PTBP2: variants seen among roughly 807,000 people sequenced by gnomAD.
The protein encoded by PTBP2 is polypyrimidine tract binding protein 2.
In PTBP2, 13 loss-of-function variants were observed where a neutral mutation model predicts 61.4. That is an observed-to-expected ratio of 0.21 (90% CI 0.14 to 0.34). The LOEUF (loss-of-function observed/expected upper bound fraction) is 0.34, where lower values mean the gene tolerates loss of function less well. Among genes scored for constraint, PTBP2 ranks in the 10% least tolerant of loss-of-function variants. The pLI, the probability that PTBP2 is intolerant of heterozygous loss-of-function variation, is 1.00. For missense variants in PTBP2, 405 were observed against 642.6 expected, an observed-to-expected ratio of 0.63 and a Z score of 4.00; for synonymous variants, 215 against 218.5, an observed-to-expected ratio of 0.98 and a Z score of 0.14.
At position 96,804,872 on chromosome 1, in the gene PTBP2, G is replaced by C. The variant is rs371636181; in HGVS notation, c.977G>C (p.Arg326Pro). Residue 326 changes from arginine (R) to proline (P), a missense_variant, in exon 9 of 14, where the codon CGA (arginine) becomes CCA (proline). Transcript: ENST00000674951. ...GCAGCTGCTGCAGCTGCTGCTGGCCGAGTGGGTATGCCTGGAGTCTCAGCT... is the reference window on the plus strand; with the variant it reads ...GCAGCTGCTGCAGCTGCTGCTGGCCCAGTGGGTATGCCTGGAGTCTCAGCT... ...AAAAAAAAAG[R>P]VGMPGVSAGG... 13 of 1,611,974 alleles carry C rather than the reference G, an allele frequency of 8.1e-6. No individual in the cohort carries two copies. Among genetic ancestry groups the C allele is most frequent in the Admixed American group, 1.7e-5 (1 of 59,974 alleles).
intron 7 of PTBP2, among the ~76,000 whole-genome samples, chr1:96,783,514 G>GT (rs1406590693): frequency 6.6e-6 from 1 of 151,982 alleles, no homozygotes; most frequent in Admixed American, 6.6e-5. Context: ...CTTAGTGTGT[G>GT]TTTAGTAATT....
At chr1:96,791,834 T>TGTTTTTTTTTTTGTTTTTTG (rs71590211) in intron 8 of PTBP2, among the ~76,000 whole-genome samples, 1 of 128,800 alleles carries the variant, frequency 7.8e-6, no homozygotes, top group African/African-American at 3.1e-5. Flanking sequence ...TGCTTTTTTT[T>TGTTTTTTTTTTTGTTTTTTG]TTTTTTTTTT....
In PTBP2 at chr1:96,739,238, T is replaced by G. The variant is rs1161439960; in HGVS notation, c.40-12187T>G. ...AAGTTATTAATGTTGCTTAATTGATTAAACCCTGATATTTTCTTGTTTCTT... is the reference window on the plus strand; with the variant it reads ...AAGTTATTAATGTTGCTTAATTGATGAAACCCTGATATTTTCTTGTTTCTT... On this transcript the variant is annotated intron_variant, in intron 2 of 13. Transcript: ENST00000674951. Among the ~76,000 whole-genome samples, 3 of 152,200 alleles carry G rather than the reference T, an allele frequency of 2.0e-5. 1 individual carries two copies. The highest frequency in any genetic ancestry group is 4.4e-5 in the Non-Finnish European group (3 of 68,022).
At chr1:96,753,803 C>G (rs1204959240) in intron 3 of PTBP2, among the ~76,000 whole-genome samples, 1 of 152,072 alleles carries the variant, frequency 6.6e-6, no homozygotes, top group East Asian at 1.9e-4. Context: ...GGGACTGATT[C>G]ACTGGTTGGA....
chr1:96,729,968 T>A (rs1651175247), intron 2 of PTBP2, among the ~76,000 whole-genome samples: 1 of 151,980 alleles, frequency 6.6e-6, no homozygotes, highest in Admixed American at 6.6e-5. Flanking sequence ...GAACTTGTGA[T>A]CTGCCCGCCC....
At chr1:96,755,837 G>A (rs1255330633) in intron 3 of PTBP2, among the ~76,000 whole-genome samples, 1 of 152,192 alleles carries the variant, frequency 6.6e-6, no homozygotes, top group Non-Finnish European at 1.5e-5. Context: ...GGAAAGGACA[G>A]GCAGGAGGGG....
At chr1:96,817,860 G>T (rs1159790039), downstream of PTBP2, 1 of 151,718 alleles carries the variant, frequency 6.6e-6, no homozygotes, top group African/African-American at 2.4e-5. Flanking sequence ...TATGATATTG[G>T]GTGTTTAAAT....
intron 2 of PTBP2, among the ~76,000 whole-genome samples, chr1:96,728,613 ACTTAGT>A (rs1285043162): frequency 6.6e-6 from 1 of 152,076 alleles, no homozygotes; most frequent in Admixed American, 6.6e-5. Flanking sequence ...GAAACCACTT[ACTTAGT>A]CTTGGCCCTC....
chr1:96,738,387 C>T (rs1200852394), intron 2 of PTBP2, among the ~76,000 whole-genome samples: 3 of 151,846 alleles, frequency 2.0e-5, no homozygotes, highest in African/African-American at 7.3e-5. Flanking sequence ...CATTCTCCTG[C>T]CTCAGCCTCC....
chr1:96,747,526 A>G (rs895145309), intron 2 of PTBP2, among the ~76,000 whole-genome samples: 2 of 151,850 alleles, frequency 1.3e-5, no homozygotes, highest in Non-Finnish European at 2.9e-5. Flanking sequence ...ATCTGGTTTC[A>G]TTTTTTTGCC....
At chr1:96,747,964 C>T (rs967740353) in intron 2 of PTBP2, among the ~76,000 whole-genome samples, 18 of 151,122 alleles carry the variant, frequency 1.2e-4, no homozygotes, top group South Asian at 6.3e-4. Flanking sequence ...TTATTGGTTG[C>T]GTGAGTCAGG....
At chr1:96,812,986 T>G in intron 12 of PTBP2, 43 bp from the exon 13 acceptor site, 1 of 1,595,262 alleles carries the variant, frequency 6.3e-7, no homozygotes, top group Non-Finnish European at 8.6e-7. Context: ...AATATGAAAT[T>G]TATTCTTAAT....
chr1:96,768,026 C>T (rs1476604705), intron 3 of PTBP2, among the ~76,000 whole-genome samples: 1 of 152,078 alleles, frequency 6.6e-6, no homozygotes, highest in Non-Finnish European at 1.5e-5. Flanking sequence ...TAAAATATGA[C>T]TTAAGTATAG....
At chr1:96,754,363 G>A (rs748271739) in intron 3 of PTBP2, among the ~76,000 whole-genome samples, 1 of 151,936 alleles carries the variant, frequency 6.6e-6, no homozygotes, top group African/African-American at 2.4e-5. Context: ...TGTATTATGG[G>A]GTTTATTATG....
rs765471436 is a variant in PTBP2 at position 96,806,985 on chromosome 1, A to C, written c.1171+27A>C. The stretch of plus-strand genomic sequence containing the variant: ...TAAGATTAAACTATGTTTTATCTAT[A>C]CATCTTCACTTCTGCTTTCAAATGC... On this transcript the variant is annotated intron_variant, in intron 11 of 13. Transcript: ENST00000674951. The C allele has an allele frequency of 1.5e-5, 23 of 1,506,262 alleles. No individual in the cohort carries two copies. In the South Asian group the frequency reaches 2.5e-4, roughly 16 times the overall value. The allele number at this position is 1,506,262 out of a possible 1,614,324, so 93.3% of individuals were successfully genotyped here.
At chr1:96,728,081 C>T (rs1650845622) in intron 2 of PTBP2, among the ~76,000 whole-genome samples, 1 of 152,096 alleles carries the variant, frequency 6.6e-6, no homozygotes, top group East Asian at 1.9e-4. Flanking sequence ...CCTTGAACTC[C>T]TGGACACAAG....
intron 7 of PTBP2, among the ~76,000 whole-genome samples, chr1:96,781,045 G>T (rs1293286622): frequency 6.6e-6 from 1 of 151,934 alleles, no homozygotes; most frequent in African/African-American, 2.4e-5. Flanking sequence ...GTCTCTCAAG[G>T]TAGTAGTGTG....
At chr1:96,809,972 T>A (rs1399236435) in intron 11 of PTBP2, among the ~76,000 whole-genome samples, 1 of 151,796 alleles carries the variant, frequency 6.6e-6, no homozygotes, top group African/African-American at 2.4e-5. Flanking sequence ...ACTAAAAAAA[T>A]AGACAAACAT....
chr1:96,748,242 CT>C (rs566867638), intron 2 of PTBP2, among the ~76,000 whole-genome samples: 93 of 152,296 alleles, frequency 6.1e-4, no homozygotes, highest in African/African-American at 2.2e-3. Flanking sequence ...TCTTGTCACC[CT>C]CAGCCTTCAG....
Sources: gnomAD v4.1 joint callset for allele counts (sites outside exome capture counted in the v4.1 genomes callset) on GRCh38, gnomAD v4.1.1 for gene constraint, MANE v1.5 for transcripts, NCBI Gene and HGNC (gene_info 2026-07-23, HGNC 2026-07-21) for gene names.